CEMIP: variants seen among roughly 807,000 people sequenced by gnomAD.
The protein encoded by CEMIP is cell migration inducing hyaluronidase 1.
In CEMIP, 105 loss-of-function variants were observed where a neutral mutation model predicts 156.9. The observed-to-expected ratio is 0.67, with a 90% CI of 0.57 to 0.79. The LOEUF (loss-of-function observed/expected upper bound fraction) is 0.79. Ranked by LOEUF, CEMIP falls within the 30% of genes least tolerant of loss-of-function variation. The probability of loss-of-function intolerance (pLI) is 0.00; values close to 1 mark genes in which losing one functional copy is unlikely to be tolerated. For synonymous variants in CEMIP, 676 were observed against 668.4 expected, an observed-to-expected ratio of 1.01 and a Z score of -0.17; for missense variants, 1,457 against 1,769.4, an observed-to-expected ratio of 0.82 and a Z score of 3.17.
intron 23 of CEMIP, among the ~76,000 whole-genome samples, chr15:80,934,354 C>T (rs781330579): frequency 7.9e-5 from 12 of 152,186 alleles, no homozygotes; most frequent in Non-Finnish European, 1.6e-4. Context: ...ATGTCCAGTG[C>T]TCAGTGGCCA....
At chr15:80,928,733 A>G (rs1900789341) in intron 19 of CEMIP, among the ~76,000 whole-genome samples, 169 bp from the exon 20 acceptor site, 1 of 152,180 alleles carries the variant, frequency 6.6e-6, no homozygotes, top group Admixed American at 6.5e-5. Context: ...CTTCCTGTGC[A>G]GAACAGGAGA....
Position 80,906,930 on chromosome 15 carries a change from T to TG in CEMIP, c.1587+97dup. 17 of 1,398,856 alleles carry TG rather than the reference T, an allele frequency of 1.2e-5. No homozygotes were observed. The highest frequency in any genetic ancestry group is 1.5e-5 in the Non-Finnish European group (15 of 1,010,066). The allele number at this position is 1,398,856 out of a possible 1,614,324, so 86.7% of individuals were successfully genotyped here. On this transcript the variant is annotated intron_variant, in intron 13 of 29. Coordinates refer to ENST00000394685, the MANE Select transcript of CEMIP (RefSeq NM_001293298.2). The surrounding 1 kb of genome is among the most constrained non-coding windows in gnomAD (Gnocchi z 4.3). ...CGGGCCTTCTTGGTAGGGATGAGGG[T>TG]GGGGGAACAGGAGGTGGGATCAAGG...
chr15:80,866,592 AAAATAAATAAAT>A lies in CEMIP; in HGVS notation c.-175-6914_-175-6903del, dbSNP rs3087304. 3.1e-3 allele frequency among the ~76,000 whole-genome samples: 406 copies of A among 130,262 alleles called. 2 individuals are homozygous for A. Among genetic ancestry groups the A allele is most frequent in the African/African-American group, 9.0e-3 (308 of 34,094 alleles). 85.5% of individuals were successfully genotyped at this position (130,262 alleles called of 152,430 possible). A position where few individuals can be genotyped will look rare whatever the true frequency, so the allele number is the denominator to read the frequency against. On this transcript the variant is annotated intron_variant, in intron 1 of 29. Coordinates refer to ENST00000394685, the MANE Select transcript of CEMIP (RefSeq NM_001293298.2). ...GGTGACAGAGTGAGACTCTGTCTTA[AAAATAAATAAAT>A]AAATAAATAAATAAATAAATAAATA...
Position 80,949,712 on chromosome 15 carries a change from C to T in CEMIP, c.*788C>T, listed in dbSNP as rs1409256198. ...TTGAGGGGTCTGCAGTCCAGTAGGG[C>T]AGGCAGTCAGGTCCATGTGCACTGC... is the stretch of plus-strand genomic sequence containing the variant. On this transcript the variant is annotated 3_prime_UTR_variant, in exon 30 of 30. Coordinates refer to ENST00000394685, the MANE Select transcript of CEMIP (RefSeq NM_001293298.2). 6.5e-6 allele frequency: 1 copy of T among 153,138 alleles called. No individual in the cohort carries two copies. The highest frequency in any genetic ancestry group is 1.5e-5 in the Non-Finnish European group (1 of 68,702). 9.5% of individuals were successfully genotyped at this position (153,138 alleles called of 1,614,324 possible).
chr15:80,872,015 C>A (rs1400745235), intron 1 of CEMIP, among the ~76,000 whole-genome samples: 1 of 152,174 alleles, frequency 6.6e-6, no homozygotes, highest in Non-Finnish European at 1.5e-5. Flanking sequence ...CGTTTCCTCC[C>A]TCCCCCGGCC....
chr15:80,817,963 C>T (rs1048554480), intron 1 of CEMIP, among the ~76,000 whole-genome samples: 2 of 152,162 alleles, frequency 1.3e-5, no homozygotes, highest in African/African-American at 4.8e-5. Flanking sequence ...TATTTAACCT[C>T]TCTGGGCATT....
At chr15:80,815,900 C>G (rs1896778966) in intron 1 of CEMIP, among the ~76,000 whole-genome samples, 3 of 152,152 alleles carry the variant, frequency 2.0e-5, no homozygotes, top group Admixed American at 2.0e-4. Flanking sequence ...TGGTGAGGTG[C>G]TTTTTCCAGC....
At chr15:80,940,740 G>A (rs1412643782) in intron 25 of CEMIP, among the ~76,000 whole-genome samples, 1 of 152,150 alleles carries the variant, frequency 6.6e-6, no homozygotes, top group Non-Finnish European at 1.5e-5. Flanking sequence ...AACCCAGCTG[G>A]GCCTCATGGG....
intron 28 of CEMIP, among the ~76,000 whole-genome samples, chr15:80,945,426 T>C (rs187953073): frequency 6.6e-6 from 1 of 152,230 alleles, no homozygotes; most frequent in Admixed American, 6.5e-5. Flanking sequence ...TTAGCTTTTG[T>C]TCTGAAATGA....
chr15:80,921,716 G>A (rs1427363279), intron 16 of CEMIP, among the ~76,000 whole-genome samples: 3 of 152,236 alleles, frequency 2.0e-5, no homozygotes, highest in Non-Finnish European at 4.4e-5. Flanking sequence ...CCCCCATTGT[G>A]TGTCAGGAAG....
At chr15:80,875,272 G>A (rs756592419) in intron 3 of CEMIP, among the ~76,000 whole-genome samples, 6 of 151,840 alleles carry the variant, frequency 4.0e-5, no homozygotes, top group Non-Finnish European at 8.8e-5. Context: ...TAGGCTCAAG[G>A]GATCCTTCAG....
chr15:80,831,219 C>A (rs1897149345), intron 1 of CEMIP, among the ~76,000 whole-genome samples: 1 of 152,024 alleles, frequency 6.6e-6, no homozygotes. Context: ...GAGCACTTTC[C>A]GTGAAGGTGT....
At chr15:80,840,085 A>G (rs145601840) in intron 1 of CEMIP, among the ~76,000 whole-genome samples, 24 of 152,266 alleles carry the variant, frequency 1.6e-4, no homozygotes, top group African/African-American at 5.3e-4. Context: ...ATAAGCACCC[A>G]ATTCTGGTAG....
At chr15:80,843,897 A>T (rs113621033) in intron 1 of CEMIP, among the ~76,000 whole-genome samples, 6 of 151,926 alleles carry the variant, frequency 3.9e-5, no homozygotes, top group African/African-American at 1.4e-4. Flanking sequence ...AAAGTATGAG[A>T]CCCCTCCTTG....
chr15:80,850,098 T>C (rs1313997249), intron 1 of CEMIP, among the ~76,000 whole-genome samples: 1 of 152,078 alleles, frequency 6.6e-6, no homozygotes, highest in Non-Finnish European at 1.5e-5. Flanking sequence ...GAGGCTGTTA[T>C]GGCTGTCCAG....
intron 21 of CEMIP, among the ~76,000 whole-genome samples, chr15:80,930,546 A>AAAAATGGACTGTCCCT (rs1405478479): frequency 6.6e-6 from 1 of 152,238 alleles, no homozygotes; most frequent in Non-Finnish European, 1.5e-5. Context: ...TAGAGCTAGT[A>AAAAATGGACTGTCCCT]AAAATGGACT....
Position 80,896,058 on chromosome 15 carries a change from C to G in CEMIP, c.1409C>G (p.Ala470Gly). 6.2e-7 allele frequency: 1 copy of G among 1,613,750 alleles called. No homozygotes were observed. Among genetic ancestry groups the G allele is most frequent in the Non-Finnish European group, 8.5e-7 (1 of 1,179,946 alleles). Residue 470 changes from alanine to glycine, a missense_variant and splice_region_variant, in exon 12 of 30, where the codon GCA becomes GGA. Around this residue, in one of 5 missense-constraint regions of CEMIP, gnomAD observed 280 missense variants for 300.3 expected, o/e 0.93. Transcript: ENST00000394685. ...TGCGCCCCCAACCAGGTCAAAGTGG[C>G]AGGTAGGACTTTTACTAATCCCTTC... ...RSCAPNQVKVAGKPMYLHIGE... is the reference protein window; with the variant it reads ...RSCAPNQVKVGGKPMYLHIGE...
intron 19 of CEMIP, among the ~76,000 whole-genome samples, chr15:80,927,435 G>A (rs1339093621): frequency 6.6e-6 from 1 of 152,202 alleles, no homozygotes; most frequent in Non-Finnish European, 1.5e-5. Flanking sequence ...GCCCTGGGTT[G>A]AAGAGAAACT....
chr15:80,948,669 C>A, intron 29 of CEMIP, 128 bp from the exon 30 acceptor site: 1 of 1,244,630 alleles, frequency 8.0e-7, no homozygotes, highest in South Asian at 1.2e-5. Context: ...TCCCAAGGGG[C>A]CACAGTGCAG....
Sources: gnomAD v4.1 joint callset for allele counts (sites outside exome capture counted in the v4.1 genomes callset) on GRCh38, gnomAD v4.1.1 for gene constraint, gnomAD v4.1.1 regional missense constraint, Gnocchi (gnomAD v3.1) non-coding constraint, MANE v1.5 for transcripts, NCBI Gene and HGNC (gene_info 2026-07-23, HGNC 2026-07-21) for gene names.